Variants in TBXAS1 observed in about 807,000 individuals in gnomAD.
The protein encoded by TBXAS1 is thromboxane-A synthase.
In TBXAS1, 48 loss-of-function variants were observed where a neutral mutation model predicts 60.7. That is an observed-to-expected ratio of 0.79 (90% CI 0.63 to 1.01). The LOEUF (loss-of-function observed/expected upper bound fraction) is 1.01. Ranked by LOEUF, TBXAS1 falls within the 50% of genes least tolerant of loss-of-function variation. The pLI, the probability that TBXAS1 is intolerant of heterozygous loss-of-function variation, is 0.00. For missense variants in TBXAS1, 685 were observed against 686.3 expected, an observed-to-expected ratio of 1.00 and a Z score of 0.02; for synonymous variants, 287 against 269.7, an observed-to-expected ratio of 1.06 and a Z score of -0.63.
chr7:140,007,293 G>A (rs1307510389), intron 10 of TBXAS1, 111 bp downstream of exon 10: 4 of 962,622 alleles, frequency 4.2e-6, no homozygotes, highest in Non-Finnish European at 6.6e-6. Context: ...GTTTCTGGAG[G>A]GCAACGCCTG....
At chr7:139,956,470 G>A (rs1309377334) in intron 7 of TBXAS1, among the ~76,000 whole-genome samples, 2 of 152,218 alleles carry the variant, frequency 1.3e-5, no homozygotes, top group African/African-American at 2.4e-5. Flanking sequence ...TTGTAGAAGT[G>A]AGATTTTGCC....
intron 9 of TBXAS1, among the ~76,000 whole-genome samples, chr7:139,994,399 G>C (rs1813146974): frequency 6.6e-6 from 1 of 152,152 alleles, no homozygotes; most frequent in African/African-American, 2.4e-5. Context: ...GAGAGTGTTG[G>C]TCTGATCTCT....
intron 1 of TBXAS1, among the ~76,000 whole-genome samples, chr7:139,869,008 A>G (rs1435511486): frequency 1.3e-5 from 2 of 152,034 alleles, no homozygotes; most frequent in Non-Finnish European, 2.9e-5. Flanking sequence ...TGTGTTGCCC[A>G]GGCTGGTCTC....
At chr7:139,800,363 C>T (rs1436875503) in intron 4 of TBXAS1, among the ~76,000 whole-genome samples, 4 of 152,110 alleles carry the variant, frequency 2.6e-5, no homozygotes, top group South Asian at 2.1e-4. Context: ...GATCTCAGCA[C>T]GTTTCCACCT....
rs146948643 is a variant in TBXAS1, at chr7:139,917,553, T to C, written c.333+6232T>C. On this transcript the variant is annotated intron_variant, in intron 4 of 12. Transcript: ENST00000448866. Reference sequence around the variant, plus strand: ...CTAATGTCTGGACATGGCTAAGTCCTAGAAAAGCCAGATCCATGGCATTAC... The same window carrying C: ...CTAATGTCTGGACATGGCTAAGTCCCAGAAAAGCCAGATCCATGGCATTAC... 4.9e-4 allele frequency among the ~76,000 whole-genome samples: 74 copies of C among 152,352 alleles called. No homozygotes were observed. The Middle Eastern group carries it at 0.017, about 35-fold the overall frequency.
chr7:139,943,894 T>C (rs62490099), intron 5 of TBXAS1, among the ~76,000 whole-genome samples: 2,266 of 152,186 alleles, frequency 0.015, 26 homozygotes, highest in Middle Eastern at 0.041. Context: ...AACCCAGAAA[T>C]ACGTTTAAAT....
intron 9 of TBXAS1, among the ~76,000 whole-genome samples, chr7:139,989,653 G>A (rs534695238): frequency 2.0e-5 from 3 of 152,232 alleles, no homozygotes; most frequent in Non-Finnish European, 2.9e-5. Context: ...TCCCTGGCCC[G>A]GGTTTAGAAT....
At chr7:139,935,332 C>T (rs1469960146) in intron 4 of TBXAS1, among the ~76,000 whole-genome samples, 3 of 152,224 alleles carry the variant, frequency 2.0e-5, no homozygotes, top group Admixed American at 2.0e-4. Flanking sequence ...AATGCCTACA[C>T]ATCACTTTAT....
intron 4 of TBXAS1, among the ~76,000 whole-genome samples, chr7:139,922,897 A>C (rs917827095): frequency 9.9e-5 from 15 of 152,082 alleles, no homozygotes; most frequent in African/African-American, 3.6e-4. Flanking sequence ...CTTGAATAGC[A>C]CCTTTGTCAT....
chr7:139,958,006 G>A (rs1029356366), intron 8 of TBXAS1, among the ~76,000 whole-genome samples: 3 of 152,144 alleles, frequency 2.0e-5, no homozygotes, highest in South Asian at 2.1e-4. Flanking sequence ...CCTCGGACAC[G>A]GACGGGTAGA....
chr7:139,805,712 T>TCTCTCTCTCTCTCTC (rs1569492516), intron 4 of TBXAS1, among the ~76,000 whole-genome samples: 1 of 44,318 alleles, frequency 2.3e-5, no homozygotes, highest in Admixed American at 2.3e-4. Context: ...CTTTCTTTCT[T>TCTCTCTCTCTCTCTC]TCTCTCTCTC....
intron 1 of TBXAS1, among the ~76,000 whole-genome samples, chr7:139,832,046 G>T (rs1257571778): frequency 1.3e-5 from 2 of 152,184 alleles, no homozygotes; most frequent in African/African-American, 4.8e-5. Flanking sequence ...AGCTTCCATG[G>T]TGAATTTTAG....
intron 9 of TBXAS1, among the ~76,000 whole-genome samples, chr7:139,983,795 G>A (rs114389020): frequency 5.3e-5 from 8 of 152,066 alleles, no homozygotes; most frequent in Non-Finnish European, 1.0e-4. Flanking sequence ...GCCCTTTCTT[G>A]TGACTCTACC....
chr7:139,955,681 C>T, intron 7 of TBXAS1, 74 bp downstream of exon 7: 3 of 1,589,506 alleles, frequency 1.9e-6, no homozygotes, highest in Non-Finnish European at 2.6e-6. Flanking sequence ...CCTGGGGTGG[C>T]TTCTGGGGCT....
chr7:139,823,723 C>T (rs1798362257), intron 4 of TBXAS1, among the ~76,000 whole-genome samples: 1 of 152,148 alleles, frequency 6.6e-6, no homozygotes, highest in Non-Finnish European at 1.5e-5. Flanking sequence ...CCAAAAGATT[C>T]GGGCTTGAGC....
chr7:139,793,416 TA>T (rs374676463), intron 4 of TBXAS1, among the ~76,000 whole-genome samples: 171 of 145,382 alleles, frequency 1.2e-3, no homozygotes, highest in Middle Eastern at 0.01. Flanking sequence ...GAGAATCCAT[TA>T]AAAAAAAAAA....
rs148033429 is a variant in TBXAS1, at chr7:139,809,380, A to G, written c.-79-19932A>G. 8.0e-3 allele frequency among the ~76,000 whole-genome samples: 1,213 copies of G among 152,242 alleles called. 18 individuals are homozygous for G. The highest frequency in any genetic ancestry group is 0.028 in the African/African-American group (1,152 of 41,510). On this transcript the variant is annotated intron_variant, in intron 4 of 16. Coordinates refer to the TBXAS1 transcript ENST00000336425. Reference sequence around the variant, plus strand: ...GATAGATAGATAGACAGACAGAACCAACAGGAGATAGATACATAGGTAAAT... The same window carrying G: ...GATAGATAGATAGACAGACAGAACCGACAGGAGATAGATACATAGGTAAAT...
chr7:139,826,538 T>C (rs1429420281), upstream of TBXAS1, among the ~76,000 whole-genome samples: 1 of 152,184 alleles, frequency 6.6e-6, no homozygotes, highest in Non-Finnish European at 1.5e-5. Flanking sequence ...CTGTAACTCA[T>C]CTCTTCCCCT....
intron 10 of TBXAS1, among the ~76,000 whole-genome samples, chr7:140,015,129 T>C (rs761012284): frequency 2.6e-5 from 4 of 152,032 alleles, no homozygotes; most frequent in South Asian, 4.1e-4. Flanking sequence ...ATCAATGACA[T>C]AGACAGACCA....
Sources: gnomAD v4.1 joint callset for allele counts (sites outside exome capture counted in the v4.1 genomes callset) on GRCh38, gnomAD v4.1.1 for gene constraint, MANE v1.5 for transcripts, NCBI Gene and HGNC (gene_info 2026-07-23, HGNC 2026-07-21) for gene names.